The following GDA variants were observed in gnomAD, a reference collection of about 807,000 sequenced individuals.
GDA encodes cytoplasmic PSD-95 interactor.
A neutral mutation model predicts 59.6 loss-of-function variants in GDA; 18 were observed. The ratio of observed to expected loss-of-function variants is 0.30; its 90% CI spans 0.21 to 0.45. The LOEUF (loss-of-function observed/expected upper bound fraction) is 0.45, where lower values mean the gene tolerates loss of function less well. GDA is among the 20% of genes least tolerant of loss of function. The probability of loss-of-function intolerance (pLI) is 1.00; values close to 1 mark genes in which losing one functional copy is unlikely to be tolerated. For synonymous variants in GDA, 201 were observed against 201.1 expected (o/e 1.00, Z 0.00); for missense variants, 427 against 552.3 (o/e 0.77, Z 2.27).
intron 3 of GDA, among the ~76,000 whole-genome samples, chr9:72,209,204 CTA>C (rs1301756535): frequency 6.6e-6 from 1 of 151,414 alleles, no homozygotes; most frequent in Non-Finnish European, 1.5e-5. Flanking sequence ...GCTGACAATT[CTA>C]TGAGGATTTT....
chr9:72,217,250 A>AT (rs927398603), intron 5 of GDA, among the ~76,000 whole-genome samples: 2 of 152,170 alleles, frequency 1.3e-5, no homozygotes, highest in African/African-American at 4.8e-5. Context: ...AAGTGATTAG[A>AT]TTTTTTTAAA....
intron 3 of GDA, among the ~76,000 whole-genome samples, chr9:72,202,965 A>G (rs1316822987): frequency 6.6e-6 from 1 of 152,180 alleles, no homozygotes; most frequent in Non-Finnish European, 1.5e-5. Context: ...CAAAACCCCA[A>G]TCTGGTGGGT....
chr9:72,205,860 A>G (rs911445416), intron 3 of GDA, among the ~76,000 whole-genome samples: 5 of 152,114 alleles, frequency 3.3e-5, no homozygotes, highest in African/African-American at 1.2e-4. Flanking sequence ...CATTCACTAA[A>G]ATCTTCTCCC....
chr9:72,231,139 C>G lies in GDA; in HGVS notation c.946C>G (p.Leu316Val). Residue 316 changes from leucine (L) to valine (V), a missense_variant, in exon 10 of 14, where the codon CTA becomes GTA. Coordinates refer to ENST00000358399, the MANE Select transcript of GDA (RefSeq NM_004293.5). ...GCTCAGCAGTGGATTTCTAAATGTGCTAGAAGTCCTGAAACATGAAGTCAA... is the reference window on the plus strand; with the variant it reads ...GCTCAGCAGTGGATTTCTAAATGTGGTAGAAGTCCTGAAACATGAAGTCAA... ...LSLSSGFLNV[L>V]EVLKHEVKIG... The G allele has an allele frequency of 6.3e-7, 1 of 1,595,128 alleles. No individual in the cohort carries two copies. Among genetic ancestry groups the G allele is most frequent in the Non-Finnish European group, 8.6e-7 (1 of 1,162,774 alleles).
chr9:72,222,211 A>G (rs1030593189), intron 6 of GDA, among the ~76,000 whole-genome samples: 1 of 152,112 alleles, frequency 6.6e-6, no homozygotes, highest in Non-Finnish European at 1.5e-5. Context: ...CCACAACCTC[A>G]CCAGTATCTG....
downstream of GDA, among the ~76,000 whole-genome samples, chr9:72,252,477 T>C (rs1840768114): frequency 6.6e-6 from 1 of 152,188 alleles, no homozygotes; most frequent in Non-Finnish European, 1.5e-5. Flanking sequence ...TAGTGTATAT[T>C]TTATATATTT....
intron 1 of GDA, among the ~76,000 whole-genome samples, chr9:72,156,269 C>T (rs1312911344): frequency 1.3e-5 from 2 of 152,118 alleles, no homozygotes; most frequent in African/African-American, 4.8e-5. Flanking sequence ...ATTATATAGC[C>T]CTGGTGAAAA....
chr9:72,212,926 A>G (rs1257226047), intron 4 of GDA, among the ~76,000 whole-genome samples: 1 of 152,128 alleles, frequency 6.6e-6, no homozygotes, highest in Non-Finnish European at 1.5e-5. Context: ...TTACATATTT[A>G]ATGAAAATAT....
chr9:72,210,373 C>T (rs1482739657), intron 3 of GDA, among the ~76,000 whole-genome samples: 2 of 152,114 alleles, frequency 1.3e-5, no homozygotes, highest in Non-Finnish European at 2.9e-5. Flanking sequence ...TTTATGTACT[C>T]CCAGATGCAA....
In GDA at chr9:72,174,761, T is replaced by TAG. The variant is rs903544285; in HGVS notation, c.124-20721_124-20720dup. On this transcript the variant is annotated intron_variant, in intron 1 of 13. Transcript: ENST00000358399. ...TGTTGAGGTTATATATATATATATATAGAGAGAGAGAGAGAGAGACAGACA... is the reference window on the plus strand; with the variant it reads ...TGTTGAGGTTATATATATATATATATAGAGAGAGAGAGAGAGAGAGACAGACA... Among the ~76,000 whole-genome samples the TAG allele has an allele frequency of 7.4e-3, 1,080 of 145,708 alleles. 3 individuals are homozygous for TAG. Among genetic ancestry groups the TAG allele is most frequent in the Middle Eastern group, 0.024 (7 of 290 alleles).
downstream of GDA, among the ~76,000 whole-genome samples, chr9:72,255,450 G>T (rs1291059949): frequency 6.6e-6 from 1 of 152,082 alleles, no homozygotes; most frequent in Admixed American, 6.5e-5. Context: ...GTTTTGGTCA[G>T]CAAGGTTGTG....
chr9:72,182,490 G>T (rs893702504), intron 1 of GDA, among the ~76,000 whole-genome samples: 1 of 152,188 alleles, frequency 6.6e-6, no homozygotes, highest in African/African-American at 2.4e-5. Flanking sequence ...GAGAAATGAT[G>T]CTGTGCTCTC....
At chr9:72,135,241 T>C (rs1459108081) in intron 1 of GDA, among the ~76,000 whole-genome samples, 1 of 151,956 alleles carries the variant, frequency 6.6e-6, no homozygotes, top group Non-Finnish European at 1.5e-5. Flanking sequence ...TGTGTGTGTG[T>C]GTGCGTTTTC....
intron 1 of GDA, among the ~76,000 whole-genome samples, chr9:72,176,449 T>G (rs1344674112): frequency 1.3e-5 from 2 of 152,184 alleles, no homozygotes; most frequent in Admixed American, 1.3e-4. Context: ...GGGAAGAGTG[T>G]CGAAGATTTT....
At chr9:72,190,071 G>C (rs1468627552) in intron 1 of GDA, among the ~76,000 whole-genome samples, 1 of 152,082 alleles carries the variant, frequency 6.6e-6, no homozygotes, top group Non-Finnish European at 1.5e-5. Context: ...GAGTGGGTTA[G>C]TTATTGTGAG....
chr9:72,253,547 G>A (rs1033110349), downstream of GDA: 1 of 152,124 alleles, frequency 6.6e-6, no homozygotes, highest in East Asian at 1.9e-4. Flanking sequence ...GAGGAATAAA[G>A]TTGCTTCACT....
chr9:72,194,798 A>C (rs1289989999), intron 1 of GDA, among the ~76,000 whole-genome samples: 1 of 152,190 alleles, frequency 6.6e-6, no homozygotes, highest in Non-Finnish European at 1.5e-5. Flanking sequence ...GTGGAAACTC[A>C]AGTCCCAACT....
chr9:72,115,945 ACT>A (rs1304405533), intron 1 of GDA, among the ~76,000 whole-genome samples: 1 of 152,166 alleles, frequency 6.6e-6, no homozygotes, highest in East Asian at 1.9e-4. Context: ...AGAGACAATA[ACT>A]ATTGGGCTGG....
At chr9:72,191,694 T>G (rs573374910) in intron 1 of GDA, among the ~76,000 whole-genome samples, 2 of 152,286 alleles carry the variant, frequency 1.3e-5, no homozygotes, top group African/African-American at 4.8e-5. Context: ...CAAGTGATTC[T>G]TTTGCCTCAG....
Sources: allele counts gnomAD v4.1 joint callset (sites outside exome capture counted in the v4.1 genomes callset), GRCh38; gene constraint gnomAD v4.1.1; transcripts MANE v1.5; gene names NCBI Gene and HGNC (gene_info 2026-07-23, HGNC 2026-07-21).